Variants in EIF2B3 observed in about 807,000 individuals in gnomAD.
EIF2B3 encodes eukaryotic translation initiation factor 2B subunit gamma.
A neutral mutation model predicts 54.1 loss-of-function variants in EIF2B3; 20 were observed. That is an observed-to-expected ratio of 0.37 (90% CI 0.26 to 0.54). The LOEUF (loss-of-function observed/expected upper bound fraction) is 0.54. Ranked by LOEUF, EIF2B3 falls within the 20% of genes least tolerant of loss-of-function variation. The pLI is 0.86. For missense variants in EIF2B3, 448 were observed against 547.8 expected (o/e 0.82, Z 1.82); for synonymous variants, 153 against 188.1 (o/e 0.81, Z 1.52).
At chr1:44,975,001 G>A (rs1644438460) in intron 3 of EIF2B3, among the ~76,000 whole-genome samples, 1 of 152,148 alleles carries the variant, frequency 6.6e-6, no homozygotes, top group South Asian at 2.1e-4. Context: ...GACAGCTTGA[G>A]CCCTGGAGTT....
At chr1:44,917,495 A>T (rs1643647099) in intron 5 of EIF2B3, among the ~76,000 whole-genome samples, 1 of 138,806 alleles carries the variant, frequency 7.2e-6, no homozygotes. Context: ...ACTCCATCTC[A>T]AAAAAAAAAA....
intron 5 of EIF2B3, among the ~76,000 whole-genome samples, chr1:44,919,699 A>G (rs1261638864): frequency 2.1e-5 from 3 of 144,640 alleles, no homozygotes; most frequent in Non-Finnish European, 4.5e-5. Context: ...GATTCATTTC[A>G]TCTTAATTGA....
chr1:44,861,083 A>G (rs1411578069), intron 10 of EIF2B3, among the ~76,000 whole-genome samples: 2 of 152,218 alleles, frequency 1.3e-5, no homozygotes, highest in Non-Finnish European at 2.9e-5. Context: ...TCTGTGGTGT[A>G]GGCTAGAGAT....
intron 11 of EIF2B3, among the ~76,000 whole-genome samples, chr1:44,856,237 G>A (rs1427981399): frequency 6.6e-6 from 1 of 152,124 alleles, no homozygotes; most frequent in Non-Finnish European, 1.5e-5. Context: ...ATCTGGGGCT[G>A]GGCGCAGTGG....
rs529740010 is a variant in EIF2B3 at position 44,911,869 on chromosome 1, A to C, written c.567-14425T>G. On this transcript the variant is annotated intron_variant, in intron 5 of 11. Transcript: ENST00000360403. ...CTATCCCTCCCCCCTCCCCCAACCCACAACAGTCCCCAGAGTGTGATGTTC... is the reference window on the plus strand; with the variant it reads ...CTATCCCTCCCCCCTCCCCCAACCCCCAACAGTCCCCAGAGTGTGATGTTC... Among the ~76,000 whole-genome samples the C allele has an allele frequency of 8.6e-3, 685 of 79,216 alleles. 3 individuals are homozygous for C. Among genetic ancestry groups the C allele is most frequent in the East Asian group, 0.015 (34 of 2,306 alleles). The allele number at this position is 79,216 out of a possible 152,430, so 52.0% of individuals were successfully genotyped here.
chr1:44,879,937 G>A lies in EIF2B3; in HGVS notation c.856C>T (p.Arg286Ter), dbSNP rs1334771611. ...GACAAGTCTTCCCACCTGTCTCCTC[G>A]ACAGGCATTCCAGCAGGCATCATAG... ...APYDACWNAC[R>*]GDRWEDLSRS... The change falls in exon 8 of 12, where the codon CGA (arginine) becomes TGA (stop). Residue 286 changes from arginine to a stop codon, truncating the protein, a stop_gained. Coordinates refer to ENST00000360403, the MANE Select transcript of EIF2B3 (RefSeq NM_020365.5). LOFTEE classifies it high-confidence loss of function. 2 of 1,613,986 alleles carry A rather than the reference G, an allele frequency of 1.2e-6. No homozygotes were observed.
At chr1:44,903,138 A>C (rs1383811600) in intron 5 of EIF2B3, among the ~76,000 whole-genome samples, 2 of 152,218 alleles carry the variant, frequency 1.3e-5, no homozygotes, top group Non-Finnish European at 2.9e-5. Flanking sequence ...ACAAAGATAT[A>C]TGTACCATGA....
Position 44,881,563 on chromosome 1 carries a change from A to C in EIF2B3, c.784+49T>G, listed in dbSNP as rs763017353. On this transcript the variant is annotated intron_variant, in intron 7 of 11. Coordinates refer to ENST00000360403, the MANE Select transcript of EIF2B3 (RefSeq NM_020365.5). The surrounding 1 kb of genome is among the most constrained non-coding windows in gnomAD (Gnocchi z 4.0). ...CTAAGCTGCCCAACCACTCTTTCCA[A>C]AGGTGCTGCTACCCTTGCCCCTCTT... 5.2e-5 allele frequency: 84 copies of C among 1,610,364 alleles called. No homozygotes were observed. The highest frequency in any genetic ancestry group is 6.5e-5 in the Non-Finnish European group (77 of 1,178,002).
chr1:44,916,346 G>A (rs1208239239), intron 5 of EIF2B3, among the ~76,000 whole-genome samples: 4 of 151,362 alleles, frequency 2.6e-5, no homozygotes, highest in Admixed American at 6.6e-5. Context: ...CTTGGCCTCC[G>A]GAGTAGCTGG....
intron 6 of EIF2B3, among the ~76,000 whole-genome samples, chr1:44,883,734 T>C (rs1655486680): frequency 6.6e-6 from 1 of 152,202 alleles, no homozygotes; most frequent in Non-Finnish European, 1.5e-5. Flanking sequence ...AAACTCTTTA[T>C]TGCAATTCTC....
At chr1:44,977,022 T>C (rs1239221651) in intron 3 of EIF2B3, among the ~76,000 whole-genome samples, 1 of 152,122 alleles carries the variant, frequency 6.6e-6, no homozygotes, top group Non-Finnish European at 1.5e-5. Flanking sequence ...ATAAAAGGGG[T>C]GGGAAAGCCA....
intron 4 of EIF2B3, among the ~76,000 whole-genome samples, chr1:44,928,144 CT>C (rs1643869794): frequency 6.6e-6 from 1 of 150,908 alleles, no homozygotes. Flanking sequence ...AGACCAAGAC[CT>C]TCTCTCAGAA....
intron 3 of EIF2B3, among the ~76,000 whole-genome samples, chr1:44,951,836 G>A (rs1644164706): frequency 6.8e-6 from 1 of 146,928 alleles, no homozygotes; most frequent in Non-Finnish European, 1.5e-5. Context: ...CACCCAGGCT[G>A]GAGTGCAGTG....
At chr1:44,857,379 A>C (rs1654465304) in intron 11 of EIF2B3, among the ~76,000 whole-genome samples, 1 of 152,148 alleles carries the variant, frequency 6.6e-6, no homozygotes, top group Non-Finnish European at 1.5e-5. Flanking sequence ...AAAATACAAA[A>C]AATTAGCTGG....
intron 8 of EIF2B3, among the ~76,000 whole-genome samples, chr1:44,878,942 G>C (rs1227198446): frequency 6.6e-6 from 1 of 151,328 alleles, no homozygotes; most frequent in Non-Finnish European, 1.5e-5. Flanking sequence ...TAGTATTTTT[G>C]TAGAGACAGG....
At chr1:44,901,163 T>C (rs1643286803) in intron 5 of EIF2B3, among the ~76,000 whole-genome samples, 1 of 152,076 alleles carries the variant, frequency 6.6e-6, no homozygotes. Flanking sequence ...TTGCCCAGGC[T>C]GGAGTGGAAT....
At chr1:44,889,320 G>A (rs769097536) in intron 6 of EIF2B3, among the ~76,000 whole-genome samples, 1 of 152,146 alleles carries the variant, frequency 6.6e-6, no homozygotes, top group Non-Finnish European at 1.5e-5. Context: ...TGGATCACTT[G>A]AGGTCAGGAG....
At chr1:44,918,322 C>A (rs1195313502) in intron 5 of EIF2B3, among the ~76,000 whole-genome samples, 1 of 150,466 alleles carries the variant, frequency 6.6e-6, no homozygotes, top group Non-Finnish European at 1.5e-5. Context: ...CCTCAAGTGA[C>A]CTGGCCGTCT....
chr1:44,907,288 G>A (rs1643429934), intron 5 of EIF2B3, among the ~76,000 whole-genome samples: 1 of 152,196 alleles, frequency 6.6e-6, no homozygotes, highest in African/African-American at 2.4e-5. Context: ...GGCTGGGCGC[G>A]GTGGCTCATG....
Sources: gnomAD v4.1 joint callset for allele counts (sites outside exome capture counted in the v4.1 genomes callset) on GRCh38, gnomAD v4.1.1 for gene constraint, Gnocchi (gnomAD v3.1) non-coding constraint, MANE v1.5 for transcripts, NCBI Gene and HGNC (gene_info 2026-07-23, HGNC 2026-07-21) for gene names.